The following SASH1 variants were observed in gnomAD, a reference collection of about 807,000 sequenced individuals.
SASH1 encodes the protein SAM and SH3 domain containing 1, also known as SAM and SH3 domain-containing protein 1.
Under a neutral mutation model 125.2 loss-of-function variants are expected in SASH1, and 44 were observed. That is an observed-to-expected ratio of 0.35 (90% CI 0.28 to 0.45). SASH1 has a LOEUF of 0.45. Ranked by LOEUF, SASH1 falls within the 20% of genes least tolerant of loss-of-function variation. The probability of loss-of-function intolerance (pLI) is 1.00; values close to 1 mark genes in which losing one functional copy is unlikely to be tolerated. For missense variants in SASH1, 1,426 were observed against 1,614.5 expected (o/e 0.88, Z 2.00); for synonymous variants, 639 against 649.1 (o/e 0.98, Z 0.24).
At chr6:148,331,573 C>G (rs1296943424) in intron 1 of SASH1, among the ~76,000 whole-genome samples, 1 of 152,156 alleles carries the variant, frequency 6.6e-6, no homozygotes. Flanking sequence ...TCGTGATCCG[C>G]CCACCTCAGC....
At chr6:148,256,189 G>T in the SASH1 span, among the ~76,000 whole-genome samples, 22 of 152,248 alleles carry the variant, frequency 1.4e-4, no homozygotes, top group Admixed American at 6.5e-4. Context: ...ACCAGCCATG[G>T]TCTGTAACTT....
chr6:148,459,688 G>A (rs965815346), intron 4 of SASH1, among the ~76,000 whole-genome samples: 6 of 151,866 alleles, frequency 4.0e-5, no homozygotes, highest in Admixed American at 6.6e-5. Flanking sequence ...TTCATAGGTA[G>A]GGTGGTTGAA....
At chr6:148,361,245 A>G (rs973396185) in intron 1 of SASH1, among the ~76,000 whole-genome samples, 2 of 152,204 alleles carry the variant, frequency 1.3e-5, no homozygotes, top group Non-Finnish European at 2.9e-5. Context: ...AACAATACAG[A>G]TGGCTGCTCT....
intron 4 of SASH1, among the ~76,000 whole-genome samples, chr6:148,447,270 G>C (rs760040489): frequency 1.3e-5 from 2 of 152,142 alleles, no homozygotes; most frequent in African/African-American, 4.8e-5. Flanking sequence ...TATATAGCAC[G>C]ATGGAAAAGG....
At chr6:148,338,705 G>A (rs1781237113), upstream of SASH1, among the ~76,000 whole-genome samples, 1 of 152,008 alleles carries the variant, frequency 6.6e-6, no homozygotes, top group African/African-American at 2.4e-5. Flanking sequence ...GGACAACTTT[G>A]TTAAAAAGCC....
chr6:148,551,624 C>T lies in SASH1; in HGVS notation c.*3066C>T, dbSNP rs565067801. The stretch of plus-strand genomic sequence containing the variant: ...CTTTCATAACTGCAGCAAAAAAGGT[C>T]AACTTGCCAAGTCACTGCTGCCATG... On this transcript the variant is annotated 3_prime_UTR_variant, in exon 20 of 20. Transcript: ENST00000367467. 1.3e-5 allele frequency: 2 copies of T among 152,474 alleles called. No homozygotes were observed. Among genetic ancestry groups the T allele is most frequent in the East Asian group, 1.9e-4 (1 of 5,178 alleles). The allele number at this position is 152,474 out of a possible 1,614,324, so 9.4% of individuals were successfully genotyped here. A position where few individuals can be genotyped will look rare whatever the true frequency, so the allele number is the denominator to read the frequency against.
intron 1 of SASH1, among the ~76,000 whole-genome samples, chr6:148,303,782 A>AAAATAAATAAATAAAT (rs201590424): frequency 2.0e-5 from 3 of 147,320 alleles, no homozygotes; most frequent in African/African-American, 5.0e-5. Flanking sequence ...CTGTCTCAAC[A>AAAATAAATAAATAAAT]AAATAAATAA....
chr6:148,377,832 T>G (rs958046446), intron 1 of SASH1, among the ~76,000 whole-genome samples: 1 of 152,168 alleles, frequency 6.6e-6, no homozygotes, highest in African/African-American at 2.4e-5. Flanking sequence ...ATTTCATGAG[T>G]GCTTATTGAA....
At chr6:148,308,838 C>T (rs997665915) in intron 1 of SASH1, among the ~76,000 whole-genome samples, 1 of 151,012 alleles carries the variant, frequency 6.6e-6, no homozygotes, top group Non-Finnish European at 1.5e-5. Flanking sequence ...AATCCCAGCA[C>T]TTTGGGAGGC....
At chr6:148,232,170 G>C in the SASH1 span, among the ~76,000 whole-genome samples, 1 of 152,120 alleles carries the variant, frequency 6.6e-6, no homozygotes, top group Non-Finnish European at 1.5e-5. Context: ...AAGGAAAAGG[G>C]ACAGGAGCCA....
At chr6:148,246,014 A>C in the SASH1 span, among the ~76,000 whole-genome samples, 1 of 152,100 alleles carries the variant, frequency 6.6e-6, no homozygotes, top group Non-Finnish European at 1.5e-5. Flanking sequence ...AAGAAAAAAA[A>C]AGAATTAAGC....
the SASH1 span, among the ~76,000 whole-genome samples, chr6:148,252,765 C>T: frequency 6.6e-6 from 1 of 152,192 alleles, no homozygotes; most frequent in Non-Finnish European, 1.5e-5. Flanking sequence ...AGCCATGAGC[C>T]ACCATGCCCA....
the SASH1 span, among the ~76,000 whole-genome samples, chr6:148,260,302 A>G: frequency 2.0e-5 from 3 of 152,112 alleles, no homozygotes; most frequent in Non-Finnish European, 4.4e-5. Flanking sequence ...AAGTGTTTCT[A>G]TTTTAAATCA....
chr6:148,326,377 T>TATATA (rs1780825015), intron 1 of SASH1, among the ~76,000 whole-genome samples: 1 of 33,456 alleles, frequency 3.0e-5, no homozygotes, highest in Non-Finnish European at 6.4e-5. Context: ...TATATATACA[T>TATATA]TCTTTTCTTT....
intron 1 of SASH1, among the ~76,000 whole-genome samples, chr6:148,285,577 C>G (rs996965265): frequency 6.6e-6 from 1 of 151,726 alleles, no homozygotes; most frequent in African/African-American, 2.4e-5. Flanking sequence ...TTTTTTTCCT[C>G]TCTCTCTTTT....
intron 7 of SASH1, among the ~76,000 whole-genome samples, chr6:148,483,138 C>T (rs893456170): frequency 6.6e-6 from 1 of 152,128 alleles, no homozygotes; most frequent in Non-Finnish European, 1.5e-5. Flanking sequence ...TTATTTGGCT[C>T]ATGATTCTAC....
chr6:148,225,684 A>C, the SASH1 span, among the ~76,000 whole-genome samples: 1 of 152,188 alleles, frequency 6.6e-6, no homozygotes, highest in African/African-American at 2.4e-5. Flanking sequence ...GAACTTGTCC[A>C]TGTAACGAAA....
chr6:148,217,546 G>T, the SASH1 span, among the ~76,000 whole-genome samples: 1 of 152,132 alleles, frequency 6.6e-6, no homozygotes, highest in South Asian at 2.1e-4. Flanking sequence ...GCCAGCATGT[G>T]GTGGAGGCAG....
Position 148,519,677 on chromosome 6 carries a change from T to C in SASH1, c.993T>C (p.Ser331=), listed in dbSNP as rs560179683. The C allele has an allele frequency of 2.5e-6, 4 of 1,614,068 alleles. No individual in the cohort carries two copies. The highest frequency in any genetic ancestry group is 1.7e-5 in the Admixed American group (1 of 59,996). ...AACCTCCCGAAGATGACTCAGACTC[T>C]CTCACCACGTCTCCATCCTCCAGCA... The part of the protein sequence containing the change: ...PEKPPEDDSD[S]LTTSPSSSSL... The change falls in exon 10 of 20, where the codon TCT becomes TCC. Residue 331 remains serine, a synonymous_variant. Coordinates refer to ENST00000367467, the MANE Select transcript of SASH1 (RefSeq NM_015278.5). The surrounding 1 kb of genome is among the most constrained non-coding windows in gnomAD (Gnocchi z 4.8).
Sources: gnomAD v4.1 joint callset for allele counts (sites outside exome capture counted in the v4.1 genomes callset) on GRCh38, gnomAD v4.1.1 for gene constraint, Gnocchi (gnomAD v3.1) non-coding constraint, MANE v1.5 for transcripts, NCBI Gene and HGNC (gene_info 2026-07-23, HGNC 2026-07-21) for gene names.